The following ADAMTS16 variants were observed in gnomAD, a reference collection of about 807,000 sequenced individuals.
The protein encoded by ADAMTS16 is ADAM metallopeptidase with thrombospondin type 1 motif 16.
ADAMTS16 carries 94 observed loss-of-function variants against 145.8 expected under a neutral mutation model. The ratio of observed to expected loss-of-function variants is 0.64; its 90% confidence interval spans 0.55 to 0.77. The LOEUF (loss-of-function observed/expected upper bound fraction) is 0.77, where lower values mean the gene tolerates loss of function less well. Ranked by LOEUF, ADAMTS16 falls within the 30% of genes least tolerant of loss-of-function variation. The pLI is 0.00. For synonymous variants in ADAMTS16, 659 were observed against 604.3 expected (o/e 1.09, Z -1.33); for missense variants, 1,585 against 1,591.5 (o/e 1.00, Z 0.07).
chr5:5,240,714 C>T (rs538172834), intron 16 of ADAMTS16, among the ~76,000 whole-genome samples: 184 of 152,254 alleles, frequency 1.2e-3, no homozygotes, highest in African/African-American at 4.3e-3. Context: ...AGATGCCTCC[C>T]CAGGCATTCG....
chr5:5,178,909 G>A (rs1735265718), intron 3 of ADAMTS16, among the ~76,000 whole-genome samples: 1 of 152,022 alleles, frequency 6.6e-6, no homozygotes, highest in Non-Finnish European at 1.5e-5. Context: ...GATGATTGTG[G>A]TGCTGGGTGC....
At chr5:5,192,184 G>T (rs181829271) in intron 8 of ADAMTS16, among the ~76,000 whole-genome samples, 1 of 152,068 alleles carries the variant, frequency 6.6e-6, no homozygotes, top group African/African-American at 2.4e-5. Flanking sequence ...GGGTTTCGCC[G>T]TGTTGCTCAG....
At chr5:5,288,395 G>A (rs1025916389) in intron 18 of ADAMTS16, among the ~76,000 whole-genome samples, 6 of 152,166 alleles carry the variant, frequency 3.9e-5, no homozygotes, top group Non-Finnish European at 5.9e-5. Context: ...AAAAGGCTCC[G>A]GTGAGAGGCA....
rs964515407 is a variant in ADAMTS16, at chr5:5,318,069, C to A, written c.3412-65C>A. The A allele has an allele frequency of 3.5e-5, 45 of 1,290,944 alleles. 1 individual carries two copies. The highest frequency in any genetic ancestry group is 4.1e-5 in the Non-Finnish European group (41 of 1,008,788). 80.0% of individuals were successfully genotyped at this position (1,290,944 alleles called of 1,614,324 possible). ...AGCAGGCCTTTTAGAAAGGTGGGCACACTGAGGTTGACCAGGTGCCTGAGA... is the reference window on the plus strand; with the variant it reads ...AGCAGGCCTTTTAGAAAGGTGGGCAAACTGAGGTTGACCAGGTGCCTGAGA... On this transcript the variant is annotated intron_variant, in intron 21 of 22. Coordinates refer to ENST00000274181, the MANE Select transcript of ADAMTS16 (RefSeq NM_139056.4).
In ADAMTS16 at chr5:5,140,449, C is replaced by G. The variant is rs1734121519; in HGVS notation, c.-19C>G. On this transcript the variant is annotated 5_prime_UTR_variant, in exon 1 of 23. Coordinates refer to ENST00000274181, the MANE Select transcript of ADAMTS16 (RefSeq NM_139056.4). ...CCGGGGACCCTCCGGTGGCCCCTAG[C>G]CCCTCGGAGCGCTCCTGGATGAAGC... 3 of 1,503,264 alleles carry G rather than the reference C, an allele frequency of 2.0e-6. No homozygotes were observed. In the South Asian group the frequency reaches 3.7e-5, roughly 19 times the overall value. 93.1% of individuals were successfully genotyped at this position (1,503,264 alleles called of 1,614,324 possible). A position where few individuals can be genotyped will look rare whatever the true frequency, so the allele number is the denominator to read the frequency against.
At chr5:5,181,922 C>G (rs1735349422) in intron 3 of ADAMTS16, 122 bp from the exon 4 acceptor site, 5 of 1,165,412 alleles carry the variant, frequency 4.3e-6, no homozygotes, top group Admixed American at 4.9e-5. Flanking sequence ...AATGTTCGCT[C>G]TCACTGGAGG....
At chr5:5,217,761 T>C (rs1181674947) in intron 10 of ADAMTS16, among the ~76,000 whole-genome samples, 2 of 152,348 alleles carry the variant, frequency 1.3e-5, no homozygotes, top group Admixed American at 6.5e-5. Context: ...TAGTATACCT[T>C]AGCTACAAAG....
chr5:5,200,034 G>C (rs1735912999), intron 8 of ADAMTS16, 98 bp from the exon 9 acceptor site: 2 of 1,375,188 alleles, frequency 1.5e-6, no homozygotes, highest in Non-Finnish European at 1.9e-6. Flanking sequence ...AGGGGTGAGG[G>C]AGTCTCACAG....
At chr5:5,172,607 T>G (rs974967288) in intron 3 of ADAMTS16, among the ~76,000 whole-genome samples, 1 of 152,168 alleles carries the variant, frequency 6.6e-6, no homozygotes, top group African/African-American at 2.4e-5. Context: ...GAGAAAATAC[T>G]TGATAGAATT....
intron 9 of ADAMTS16, among the ~76,000 whole-genome samples, chr5:5,202,356 T>C (rs1274852019): frequency 6.6e-6 from 1 of 152,166 alleles, no homozygotes; most frequent in Non-Finnish European, 1.5e-5. Context: ...ATTCTGGGAA[T>C]ATACACTTGA....
At chr5:5,289,317 C>T (rs967365604) in intron 18 of ADAMTS16, among the ~76,000 whole-genome samples, 2 of 152,340 alleles carry the variant, frequency 1.3e-5, no homozygotes, top group African/African-American at 2.4e-5. Context: ...GACTGGTTTG[C>T]TTTCTTACTT....
chr5:5,152,689 C>A (rs1734506957), intron 3 of ADAMTS16, among the ~76,000 whole-genome samples: 1 of 152,206 alleles, frequency 6.6e-6, no homozygotes, highest in South Asian at 2.1e-4. Context: ...CTTAAGCAAA[C>A]CATGGCTCAA....
At chr5:5,149,398 A>G (rs1372324955) in intron 3 of ADAMTS16, among the ~76,000 whole-genome samples, 1 of 152,216 alleles carries the variant, frequency 6.6e-6, no homozygotes, top group Admixed American at 6.5e-5. Context: ...AGTTATAAGT[A>G]AGAGACAATG....
rs898175505 is a variant in ADAMTS16, at chr5:5,166,556, A to C, written c.502-15488A>C. 3.3e-5 allele frequency among the ~76,000 whole-genome samples: 5 copies of C among 152,312 alleles called. No homozygotes were observed. The South Asian group carries it at 1.0e-3, about 32-fold the overall frequency. ...GGAGTCCTGGGCTGTATTCCCAGAG[A>C]CAACGCTGCAAAGTTGTCAGTAGAG... is the stretch of plus-strand genomic sequence containing the variant. On this transcript the variant is annotated intron_variant, in intron 3 of 22. Coordinates refer to ENST00000274181, the MANE Select transcript of ADAMTS16 (RefSeq NM_139056.4).
In ADAMTS16 at chr5:5,191,699, A is replaced by T. The variant is rs1377728968; in HGVS notation, c.1222A>T (p.Ser408Cys). The T allele has an allele frequency of 1.9e-6, 3 of 1,613,336 alleles. No individual in the cohort carries two copies. In the South Asian group the frequency reaches 3.3e-5, roughly 18 times the overall value. The change falls in exon 8 of 23, where the codon AGT (serine) becomes TGT (cysteine). Residue 408 changes from serine to cysteine, a missense_variant. Physicochemically the swap from Ser to Cys is moderately radical, Grantham distance 112 (BLOSUM62 -1). Around this residue, in one of 3 missense-constraint regions of ADAMTS16, gnomAD observed 298 missense variants for 367.6 expected, o/e 0.81. Transcript: ENST00000274181. Reference sequence around the variant, plus strand: ...GTCCTTCACAGGATTTGCACCCATAAGTGGAATGTGTAGTAAATATCGCAG... The same window carrying T: ...GTCCTTCACAGGATTTGCACCCATATGTGGAATGTGTAGTAAATATCGCAG... Reference protein sequence around the residue: ...PCDTLGFAPISGMCSKYRSCT... With the variant: ...PCDTLGFAPICGMCSKYRSCT...
At chr5:5,250,736 TGC>T (rs1553994628) in intron 17 of ADAMTS16, among the ~76,000 whole-genome samples, 4 of 141,812 alleles carry the variant, frequency 2.8e-5, no homozygotes, top group African/African-American at 1.0e-4. Flanking sequence ...TGTGTGTGTG[TGC>T]GCGCACTCCT....
intron 17 of ADAMTS16, among the ~76,000 whole-genome samples, chr5:5,258,104 A>G (rs1737857256): frequency 6.6e-6 from 1 of 152,186 alleles, no homozygotes; most frequent in Non-Finnish European, 1.5e-5. Context: ...TTTACCAACT[A>G]CCAATCTCTC....
intron 3 of ADAMTS16, among the ~76,000 whole-genome samples, chr5:5,170,063 T>C (rs1299670687): frequency 6.6e-6 from 1 of 152,218 alleles, no homozygotes; most frequent in Non-Finnish European, 1.5e-5. Context: ...GGATATATAC[T>C]TAGGAATAGG....
At chr5:5,221,080 G>A (rs1736592759) in intron 10 of ADAMTS16, among the ~76,000 whole-genome samples, 1 of 151,778 alleles carries the variant, frequency 6.6e-6, no homozygotes, top group Non-Finnish European at 1.5e-5. Context: ...CTATCATATT[G>A]CCACCCAGAC....
Sources: allele counts gnomAD v4.1 joint callset (sites outside exome capture counted in the v4.1 genomes callset), GRCh38; gene constraint gnomAD v4.1.1; regional missense constraint gnomAD v4.1.1; transcripts MANE v1.5; gene names NCBI Gene and HGNC (gene_info 2026-07-23, HGNC 2026-07-21).